The following OARD1 variants were observed in gnomAD, a reference collection of about 807,000 sequenced individuals.
OARD1 encodes ADP-ribose glycohydrolase OARD1.
In OARD1, 19 loss-of-function variants were observed where a neutral mutation model predicts 19.7. The observed-to-expected ratio is 0.96, with a 90% CI of 0.67 to 1.41. The LOEUF (loss-of-function observed/expected upper bound fraction) is 1.41. OARD1 is among the 40% of genes most tolerant of loss of function. The probability of loss-of-function intolerance (pLI) is 0.00; values close to 1 mark genes in which losing one functional copy is unlikely to be tolerated. For synonymous variants in OARD1, 70 were observed against 61.8 expected (o/e 1.13, Z -0.62); for missense variants, 190 against 183.8 (o/e 1.03, Z -0.20).
chr6:41,089,885 C>T (rs1431449267), intron 1 of OARD1, among the ~76,000 whole-genome samples: 1 of 152,002 alleles, frequency 6.6e-6, no homozygotes, highest in East Asian at 1.9e-4. Context: ...TTTGAGAGGC[C>T]GAGGCAAGCT....
At chr6:41,070,983 T>G in intron 3 of OARD1, 149 bp downstream of exon 3, 1 of 783,100 alleles carries the variant, frequency 1.3e-6, no homozygotes, top group South Asian at 1.5e-5. Context: ...ATGGTAAACG[T>G]CTAAACTAGA....
At position 41,066,730 on chromosome 6, in the gene OARD1, G is replaced by C. The variant is rs1461160766; in HGVS notation, c.*605C>G. On this transcript the variant is annotated 3_prime_UTR_variant, in exon 6 of 6. Transcript: ENST00000424266. ...CCTTTGTCTGACTGTTTGAAATTAA[G>C]TTGCAGGTGAACCCTCCATTACCCA... is the stretch of plus-strand genomic sequence containing the variant. 6.6e-6 allele frequency: 1 copy of C among 152,124 alleles called. No individual in the cohort carries two copies. The allele number at this position is 152,124 out of a possible 1,614,324, so 9.4% of individuals were successfully genotyped here. A position where few individuals can be genotyped will look rare whatever the true frequency, so the allele number is the denominator to read the frequency against.
chr6:41,083,468 A>C (rs1205539546), intron 1 of OARD1, among the ~76,000 whole-genome samples: 1 of 151,992 alleles, frequency 6.6e-6, no homozygotes, highest in African/African-American at 2.4e-5. Context: ...ACAGAGTAAA[A>C]TGAGCAGGAT....
At chr6:41,094,856 T>A (rs1764304008) in intron 1 of OARD1, among the ~76,000 whole-genome samples, 1 of 152,236 alleles carries the variant, frequency 6.6e-6, no homozygotes, top group Non-Finnish European at 1.5e-5. Flanking sequence ...CTCTTCGTCT[T>A]TGTCACTTAT....
chr6:41,079,621 A>G (rs951884862), intron 1 of OARD1, among the ~76,000 whole-genome samples: 4 of 152,206 alleles, frequency 2.6e-5, no homozygotes, highest in Admixed American at 6.5e-5. Flanking sequence ...TTAGACAGCC[A>G]TTCTTATGGA....
At chr6:41,095,553 C>T (rs1044511982) in intron 1 of OARD1, among the ~76,000 whole-genome samples, 1 of 152,096 alleles carries the variant, frequency 6.6e-6, no homozygotes, top group Non-Finnish European at 1.5e-5. Flanking sequence ...ACTTTAGGCT[C>T]CCGAGTAGCT....
chr6:41,090,297 A>G, intron 1 of OARD1: 1 of 1,613,192 alleles, frequency 6.2e-7, no homozygotes, highest in Non-Finnish European at 8.5e-7. Flanking sequence ...AGATGGCACC[A>G]TTCTCCAGCA....
intron 3 of OARD1, 168 bp downstream of exon 3, chr6:41,070,964 G>C: frequency 1.5e-6 from 1 of 671,808 alleles, no homozygotes; most frequent in Non-Finnish European, 2.6e-6. Context: ...ACAGGAGTTG[G>C]GTTTTGATAT....
At chr6:41,087,640 T>G (rs1322547334) in intron 1 of OARD1, among the ~76,000 whole-genome samples, 1 of 152,236 alleles carries the variant, frequency 6.6e-6, no homozygotes, top group African/African-American at 2.4e-5. Flanking sequence ...CTTTTAAGTT[T>G]GGGAGGTATT....
chr6:41,093,334 A>G (rs2113819222), intron 1 of OARD1, among the ~76,000 whole-genome samples: 1 of 152,304 alleles, frequency 6.6e-6, no homozygotes, highest in African/African-American at 2.4e-5. Flanking sequence ...GAGATAAATT[A>G]TCCTGGACTG....
chr6:41,093,478 T>C (rs115678926), intron 1 of OARD1, among the ~76,000 whole-genome samples: 1 of 151,844 alleles, frequency 6.6e-6, no homozygotes, highest in African/African-American at 2.4e-5. Context: ...TTTCTTTTTT[T>C]TTTTTTTCCT....
At chr6:41,090,663 T>G (rs1764175992) in intron 1 of OARD1, among the ~76,000 whole-genome samples, 1 of 152,240 alleles carries the variant, frequency 6.6e-6, no homozygotes, top group African/African-American at 2.4e-5. Flanking sequence ...TATGTTTTTT[T>G]CTGGGTCATT....
rs1763170195 is a variant in OARD1, at chr6:41,068,901, C to T, written c.296G>A (p.Ser99Asn). The T allele has an allele frequency of 6.2e-7, 1 of 1,610,816 alleles. No homozygotes were observed. The change falls in exon 5 of 6, where the codon AGT (serine) becomes AAT (asparagine). Residue 99 changes from serine to asparagine, a missense_variant. Physicochemically the swap from Ser to Asn is conservative, Grantham distance 46. Coordinates refer to ENST00000424266, the MANE Select transcript of OARD1 (RefSeq NM_001329686.2). ...ACAATGAGACTTCATTGCCTCTAAACTCTTCTGTAAGTTTTCATAAGTTGG... is the reference window on the plus strand; with the variant it reads ...ACAATGAGACTTCATTGCCTCTAAATTCTTCTGTAAGTTTTCATAAGTTGG... ...HKPTYENLQKSLEAMKSHCLK... is the reference protein window; with the variant it reads ...HKPTYENLQKNLEAMKSHCLK...
At chr6:41,095,394 T>C (rs897693018) in intron 1 of OARD1, among the ~76,000 whole-genome samples, 1 of 152,196 alleles carries the variant, frequency 6.6e-6, no homozygotes, top group Admixed American at 6.5e-5. Context: ...TATCTCCCTA[T>C]CTGTTAGGTC....
At chr6:41,076,391 G>A (rs1283572148), upstream of OARD1, among the ~76,000 whole-genome samples, 1 of 152,246 alleles carries the variant, frequency 6.6e-6, no homozygotes, top group African/African-American at 2.4e-5. Flanking sequence ...ACTAAGGGTT[G>A]TGGTCAAAAA....
chr6:41,091,381 G>A (rs1434516959), intron 1 of OARD1: 2 of 690,716 alleles, frequency 2.9e-6, no homozygotes, highest in Non-Finnish European at 2.4e-6. Context: ...ACCACAGTGG[G>A]AGAGTACTTT....
At chr6:41,088,584 T>C (rs1764112259) in intron 1 of OARD1, among the ~76,000 whole-genome samples, 1 of 152,032 alleles carries the variant, frequency 6.6e-6, no homozygotes, top group South Asian at 2.1e-4. Context: ...TTTGGGTTTT[T>C]TCTTTGTTTG....
chr6:41,071,071 T>C (rs1029061505), intron 3 of OARD1, 61 bp downstream of exon 3: 3 of 1,510,932 alleles, frequency 2.0e-6, no homozygotes, highest in Non-Finnish European at 2.8e-6. Flanking sequence ...TTTATTAAAG[T>C]GTAACAGATT....
intron 4 of OARD1, 142 bp from the exon 5 acceptor site, chr6:41,069,095 T>C (rs1324217693): frequency 1.8e-6 from 1 of 548,512 alleles, no homozygotes; most frequent in Non-Finnish European, 3.2e-6. Flanking sequence ...AAATGTCATA[T>C]TGCCCTTTCC....
Sources: allele counts gnomAD v4.1 joint callset (sites outside exome capture counted in the v4.1 genomes callset), GRCh38; gene constraint gnomAD v4.1.1; transcripts MANE v1.5; gene names NCBI Gene and HGNC (gene_info 2026-07-23, HGNC 2026-07-21).